Variants in AK9 observed in about 807,000 individuals in gnomAD.
AK9 encodes adenylate kinase domain containing 1.
In AK9, 191 loss-of-function variants were observed where a neutral mutation model predicts 239.6. That is an observed-to-expected ratio of 0.80 (90% CI 0.71 to 0.90). The LOEUF (loss-of-function observed/expected upper bound fraction) is 0.90. Among genes scored for constraint, AK9 ranks in the 40% least tolerant of loss-of-function variants. The probability of loss-of-function intolerance (pLI) is 0.00; values close to 1 mark genes in which losing one functional copy is unlikely to be tolerated. For missense variants in AK9, 1,995 were observed against 2,214.7 expected, an observed-to-expected ratio of 0.90 and a Z score of 1.99; for synonymous variants, 689 against 721.0, an observed-to-expected ratio of 0.96 and a Z score of 0.71.
intron 33 of AK9, among the ~76,000 whole-genome samples, chr6:109,507,569 G>GA (rs928330988): frequency 5.3e-5 from 8 of 150,578 alleles, no homozygotes; most frequent in Non-Finnish European, 1.0e-4. Flanking sequence ...CTGAGAGGAG[G>GA]AAAAAAAAAG....
At chr6:109,644,813 T>C (rs1473357175) in intron 8 of AK9, 125 bp from the exon 9 acceptor site, 4 of 632,870 alleles carry the variant, frequency 6.3e-6, no homozygotes, top group African/African-American at 3.8e-5. Flanking sequence ...CATGCTATAA[T>C]GTATGTTATT....
intron 21 of AK9, among the ~76,000 whole-genome samples, chr6:109,570,008 T>C (rs1787181922): frequency 6.6e-6 from 1 of 152,152 alleles, no homozygotes. Context: ...CTATTCACAA[T>C]AGCAAAGACT....
At chr6:109,564,363 T>C (rs1786192907) in intron 22 of AK9, 83 bp from the exon 23 acceptor site, 1 of 1,087,864 alleles carries the variant, frequency 9.2e-7, no homozygotes, top group Non-Finnish European at 1.3e-6. Context: ...GCTTATACTT[T>C]GCAATTTTTT....
At chr6:109,646,364 G>A (rs1333860841) in intron 8 of AK9, among the ~76,000 whole-genome samples, 1 of 152,086 alleles carries the variant, frequency 6.6e-6, no homozygotes, top group Non-Finnish European at 1.5e-5. Context: ...TTAGACGAAT[G>A]GCTAACTAGA....
intron 12 of AK9, among the ~76,000 whole-genome samples, chr6:109,624,280 G>A (rs1359108474): frequency 6.6e-6 from 1 of 151,988 alleles, no homozygotes; most frequent in African/African-American, 2.4e-5. Context: ...CCACCATCTT[G>A]GGATTTCCTA....
Position 109,514,363 on chromosome 6 carries a change from A to G in AK9, c.4140T>C (p.Tyr1380=). The change falls in exon 32 of 41, where the codon TAT becomes TAC. Residue 1380 remains tyrosine (Y), a synonymous_variant. Transcript: ENST00000424296. ...TTTCTTTACTAGATAAAAAATAAATATACTGACGATGGATTACAGGATAAA... is the reference window on the plus strand; with the variant it reads ...TTTCTTTACTAGATAAAAAATAAATGTACTGACGATGGATTACAGGATAAA... ...NPIYPVIHRQ[Y]IYFLSSKETK... 1 of 1,551,168 alleles carries G rather than the reference A, an allele frequency of 6.4e-7. No homozygotes were observed. The highest frequency in any genetic ancestry group is 1.2e-5 in the South Asian group (1 of 83,982).
At position 109,632,856 on chromosome 6, in the gene AK9, G is replaced by GAT. The variant is rs1562521909; in HGVS notation, c.1254+65_1254+66dup. ...TATAATCGAGTATAGATACATGACA[G>GAT]ATAGACATAGATAGATAGATAGATA... On this transcript the variant is annotated intron_variant, in intron 12 of 40. Coordinates refer to ENST00000424296, the MANE Select transcript of AK9 (RefSeq NM_001145128.3). The GAT allele has an allele frequency of 1.2e-4, 144 of 1,243,610 alleles. No homozygotes were observed. In the African/African-American group the frequency reaches 2.1e-3, roughly 18 times the overall value. The allele number at this position is 1,243,610 out of a possible 1,614,324, so 77.0% of individuals were successfully genotyped here.
intron 10 of AK9, among the ~76,000 whole-genome samples, chr6:109,635,613 C>G (rs2128278404): frequency 6.6e-6 from 1 of 152,278 alleles, no homozygotes; most frequent in East Asian, 1.9e-4. Flanking sequence ...AAGTTGGCCA[C>G]TATAACCACT....
At chr6:109,519,138 G>T (rs532689075) in intron 29 of AK9, among the ~76,000 whole-genome samples, 1 of 152,228 alleles carries the variant, frequency 6.6e-6, no homozygotes, top group South Asian at 2.1e-4. Flanking sequence ...CAAAGGATAT[G>T]ACTTTGTTCT....
chr6:109,535,508 C>G (rs1190209577), intron 27 of AK9, among the ~76,000 whole-genome samples: 1 of 152,186 alleles, frequency 6.6e-6, no homozygotes, highest in Admixed American at 6.5e-5. Context: ...GGATATTAGC[C>G]CTTTGTCAGA....
At chr6:109,629,591 T>C (rs1201979407) in intron 12 of AK9, among the ~76,000 whole-genome samples, 1 of 152,132 alleles carries the variant, frequency 6.6e-6, no homozygotes, top group Non-Finnish European at 1.5e-5. Flanking sequence ...ATTTAAAATG[T>C]AGAATTTTCT....
At chr6:109,603,091 C>T (rs1350709440) in intron 17 of AK9, among the ~76,000 whole-genome samples, 1 of 152,240 alleles carries the variant, frequency 6.6e-6, no homozygotes, top group Non-Finnish European at 1.5e-5. Context: ...CATTCTCTGT[C>T]CAGCTTTGTT....
Position 109,533,446 on chromosome 6 carries a change from A to G in AK9, c.3375T>C (p.Gly1125=), listed in dbSNP as rs146189337. ...PIRSTGFILD[G]FPRYPEEAQF... Reference sequence around the variant, plus strand: ...GGGCCTCTTCTGGATATCGTGGGAAACCATCTAATATAAAACCTGTGGAAC... The same window carrying G: ...GGGCCTCTTCTGGATATCGTGGGAAGCCATCTAATATAAAACCTGTGGAAC... Residue 1125 remains glycine (G), a synonymous_variant, in exon 28 of 41, where the codon GGT becomes GGC. Coordinates refer to ENST00000424296, the MANE Select transcript of AK9 (RefSeq NM_001145128.3). 7 of 1,601,372 alleles carry G rather than the reference A, an allele frequency of 4.4e-6. No homozygotes were observed. The highest frequency in any genetic ancestry group is 2.7e-5 in the African/African-American group (2 of 74,082).
intron 24 of AK9, among the ~76,000 whole-genome samples, chr6:109,556,928 A>G (rs1164571479): frequency 6.6e-6 from 1 of 151,928 alleles, no homozygotes; most frequent in East Asian, 1.9e-4. Flanking sequence ...CAAGGTTAAC[A>G]TGCTCCTTTA....
intron 28 of AK9, among the ~76,000 whole-genome samples, chr6:109,530,599 T>C (rs1781102882): frequency 6.6e-6 from 1 of 152,222 alleles, no homozygotes; most frequent in Non-Finnish European, 1.5e-5. Context: ...ATTCCGAGTC[T>C]ACTTTTCCTC....
At chr6:109,623,510 C>A (rs959955425) in intron 12 of AK9, among the ~76,000 whole-genome samples, 1 of 152,092 alleles carries the variant, frequency 6.6e-6, no homozygotes, top group Non-Finnish European at 1.5e-5. Flanking sequence ...CCAGCCCCAG[C>A]CTAGTGTCAG....
chr6:109,576,499 A>G (rs2128201772), intron 20 of AK9, among the ~76,000 whole-genome samples: 1 of 140,796 alleles, frequency 7.1e-6, no homozygotes, highest in East Asian at 2.2e-4. Context: ...TTGTTGTTAC[A>G]TAGCAGTGCT....
At chr6:109,668,488 ATGGT>A (rs1179734043) in intron 5 of AK9, among the ~76,000 whole-genome samples, 1 of 151,244 alleles carries the variant, frequency 6.6e-6, no homozygotes, top group Non-Finnish European at 1.5e-5. Context: ...TCTGTCCTGA[ATGGT>A]ATTGCCTAGG....
intron 1 of AK9, among the ~76,000 whole-genome samples, chr6:109,689,143 C>T (rs1040498808): frequency 6.6e-6 from 1 of 152,100 alleles, no homozygotes; most frequent in African/African-American, 2.4e-5. Flanking sequence ...CAATTAGAGA[C>T]CTCAGATTAA....
Sources: allele counts gnomAD v4.1 joint callset (sites outside exome capture counted in the v4.1 genomes callset), GRCh38; gene constraint gnomAD v4.1.1; transcripts MANE v1.5; gene names NCBI Gene and HGNC (gene_info 2026-07-23, HGNC 2026-07-21).